The following NSD3 variants were observed in gnomAD, a reference collection of about 807,000 sequenced individuals.
The protein encoded by NSD3 is nuclear receptor binding SET domain protein 3, also known as histone-lysine N-methyltransferase NSD3.
A neutral mutation model predicts 160.8 loss-of-function variants in NSD3; 24 were observed. The observed-to-expected ratio is 0.15, with a 90% CI of 0.11 to 0.21. NSD3 has a LOEUF of 0.21. NSD3 is among the 10% of genes least tolerant of loss of function. The pLI is 1.00. For synonymous variants in NSD3, 520 were observed against 600.0 expected, an observed-to-expected ratio of 0.87 and a Z score of 1.95; for missense variants, 1,157 against 1,735.9, an observed-to-expected ratio of 0.67 and a Z score of 5.93.
At chr8:38,334,351 T>C (rs1810153565) in intron 4 of NSD3, among the ~76,000 whole-genome samples, 1 of 152,180 alleles carries the variant, frequency 6.6e-6, no homozygotes, top group South Asian at 2.1e-4. Context: ...TGACTGCTAA[T>C]GGATACAGGA....
chr8:38,270,402 T>C lies in NSD3; in HGVS notation c.*5239A>G, dbSNP rs577547185. On this transcript the variant is annotated 3_prime_UTR_variant, in exon 24 of 24. Coordinates refer to ENST00000317025, the MANE Select transcript of NSD3 (RefSeq NM_023034.2). The stretch of plus-strand genomic sequence containing the variant: ...TATCACTCAAATGGGTACAAATGAG[T>C]TTCTCATATCAATTCCAAATATACA... 6.6e-6 allele frequency: 1 copy of C among 152,258 alleles called. No homozygotes were observed. The highest frequency in any genetic ancestry group is 2.1e-4 in the South Asian group (1 of 4,822). The allele number at this position is 152,258 out of a possible 1,614,324, so 9.4% of individuals were successfully genotyped here.
intron 12 of NSD3, among the ~76,000 whole-genome samples, chr8:38,307,122 A>AT (rs1809420485): frequency 7.2e-6 from 1 of 139,210 alleles, no homozygotes; most frequent in Admixed American, 7.3e-5. Flanking sequence ...CTCAAAAAAA[A>AT]AAAAAATAAA....
intron 15 of NSD3, among the ~76,000 whole-genome samples, chr8:38,296,660 C>T (rs1049516398): frequency 1.4e-5 from 2 of 142,604 alleles, no homozygotes; most frequent in Non-Finnish European, 3.0e-5. Flanking sequence ...CTCTCTTTCT[C>T]TCTCTCTCTC....
chr8:38,275,889 C>G lies in NSD3; in HGVS notation c.4073-7G>C. On this transcript the variant is annotated splice_polypyrimidine_tract_variant and splice_region_variant and intron_variant, in intron 23 of 23. Transcript: ENST00000317025. ...CACGGACACTCCCACTTTCCTAATTCGGGGAGATGGGGAGGAAGAAGGAGA... is the reference window on the plus strand; with the variant it reads ...CACGGACACTCCCACTTTCCTAATTGGGGGAGATGGGGAGGAAGAAGGAGA... The G allele has an allele frequency of 6.2e-7, 1 of 1,611,204 alleles. No individual in the cohort carries two copies. The highest frequency in any genetic ancestry group is 8.5e-7 in the Non-Finnish European group (1 of 1,178,038).
intron 1 of NSD3, among the ~76,000 whole-genome samples, chr8:38,354,747 T>C (rs1272773025): frequency 6.6e-6 from 1 of 151,602 alleles, no homozygotes; most frequent in East Asian, 1.9e-4. Flanking sequence ...AAAAAACAAA[T>C]GATTTGGCTA....
At chr8:38,338,507 G>A (rs181562534) in intron 3 of NSD3, 29 bp downstream of exon 3, 1 of 1,573,074 alleles carries the variant, frequency 6.4e-7, no homozygotes, top group Admixed American at 1.7e-5. Context: ...ACCATATTTG[G>A]TTAGACAGTA....
chr8:38,326,929 G>C, intron 6 of NSD3, 73 bp from the exon 7 acceptor site: 1 of 1,539,516 alleles, frequency 6.5e-7, no homozygotes, highest in Non-Finnish European at 8.8e-7. Flanking sequence ...GGCTTATAAA[G>C]ATGGCTTAAA....
chr8:38,345,392 G>A (rs1810492943), intron 2 of NSD3, among the ~76,000 whole-genome samples: 1 of 151,428 alleles, frequency 6.6e-6, no homozygotes, highest in East Asian at 1.9e-4. Context: ...GAGAGAGAGA[G>A]AGAACGAACA....
At chr8:38,353,261 A>G (rs1302082677) in intron 1 of NSD3, among the ~76,000 whole-genome samples, 4 of 152,220 alleles carry the variant, frequency 2.6e-5, no homozygotes, top group Non-Finnish European at 5.9e-5. Flanking sequence ...TAACAACTGA[A>G]ACATTACCTT....
chr8:38,313,851 A>G (rs545662254), intron 12 of NSD3, among the ~76,000 whole-genome samples: 3 of 152,188 alleles, frequency 2.0e-5, no homozygotes, highest in East Asian at 3.9e-4. Flanking sequence ...ATACAATCAA[A>G]TAAGAAAAGA....
intron 1 of NSD3, among the ~76,000 whole-genome samples, chr8:38,363,017 G>C (rs565874706): frequency 6.6e-6 from 1 of 152,286 alleles, no homozygotes; most frequent in South Asian, 2.1e-4. Context: ...CCAAATGTGC[G>C]CTGATAACTG....
intron 16 of NSD3, 25 bp downstream of exon 16, chr8:38,295,771 C>T: frequency 1.2e-6 from 2 of 1,607,728 alleles, no homozygotes. Flanking sequence ...TTGAATACTT[C>T]CTCTTTGTTC....
In NSD3 at chr8:38,299,390, GA is replaced by G. The variant is rs1211585501; in HGVS notation, c.2758+53del. The G allele has an allele frequency of 2.6e-4, 399 of 1,562,522 alleles. 3 individuals carry two copies. In the East Asian group the frequency reaches 8.2e-3, roughly 32 times the overall value. ...TACATTTCCCCCCTATATTGAAAGA[GA>G]AAAAAATAGGAAATGCAAAAATAAA... is the stretch of plus-strand genomic sequence containing the variant. On this transcript the variant is annotated intron_variant, in intron 15 of 23. Transcript: ENST00000317025.
chr8:38,365,541 C>T (rs1292401642), intron 1 of NSD3, among the ~76,000 whole-genome samples: 1 of 152,184 alleles, frequency 6.6e-6, no homozygotes, highest in Non-Finnish European at 1.5e-5. Context: ...AGCACGATCT[C>T]AGCTCACTGC....
chr8:38,347,876 C>T lies in NSD3; in HGVS notation c.296G>A (p.Gly99Asp). 6.2e-7 allele frequency: 1 copy of T among 1,614,190 alleles called. No individual in the cohort carries two copies. Residue 99 changes from glycine to aspartate, a missense_variant, in exon 2 of 24, where the codon GGC (glycine) becomes GAC (aspartate). This residue lies in a region of NSD3 where 121 missense variants were observed against 177.2 expected (regional missense o/e 0.68). Transcript: ENST00000317025. ...GCTAAAGTTTCTAACTGCACCAAAG[C>T]CATTGGCTGACCCATTAGGATACTG... ...YNQYPNGSAN[G>D]FGAVRNFSPT...
chr8:38,337,295 C>T lies in NSD3; in HGVS notation c.910+10G>A. On this transcript the variant is annotated intron_variant, in intron 4 of 23. Transcript: ENST00000317025. ...CCTTTTACTTAGTATCTGTTTATGC[C>T]TTTTCTTACCTCTTGTGTTAATTTT... The T allele has an allele frequency of 1.3e-6, 2 of 1,588,746 alleles. No individual in the cohort carries two copies. Among genetic ancestry groups the T allele is most frequent in the Non-Finnish European group, 8.5e-7 (1 of 1,170,934 alleles).
intron 1 of NSD3, among the ~76,000 whole-genome samples, chr8:38,372,653 C>G (rs1467747973): frequency 6.6e-6 from 1 of 151,350 alleles, no homozygotes; most frequent in African/African-American, 2.4e-5. Flanking sequence ...CCTGCCACCA[C>G]GCCTGGCTAA....
intron 4 of NSD3, among the ~76,000 whole-genome samples, chr8:38,335,493 A>C (rs57011135): frequency 0.21 from 32,081 of 151,852 alleles, 3,574 homozygotes; most frequent in East Asian, 0.31. Flanking sequence ...GACATGATGT[A>C]ACTTCTTAGA....
chr8:38,346,551 A>C (rs187568184), intron 2 of NSD3, among the ~76,000 whole-genome samples: 30 of 151,864 alleles, frequency 2.0e-4, no homozygotes, highest in African/African-American at 6.7e-4. Flanking sequence ...ACACAGTAGG[A>C]GGAGCATTTC....
Sources: allele counts gnomAD v4.1 joint callset (sites outside exome capture counted in the v4.1 genomes callset), GRCh38; gene constraint gnomAD v4.1.1; regional missense constraint gnomAD v4.1.1; transcripts MANE v1.5; gene names NCBI Gene and HGNC (gene_info 2026-07-23, HGNC 2026-07-21).